The following DNAAF11 variants were observed in gnomAD, a reference collection of about 807,000 sequenced individuals.
DNAAF11 encodes dynein axonemal assembly factor 11, also known as leucine rich repeat containing 6.
DNAAF11 carries 45 observed loss-of-function variants against 60.8 expected under a neutral mutation model. The observed-to-expected ratio is 0.74, with a 90% CI of 0.58 to 0.95. The LOEUF is 0.95. DNAAF11 is among the 40% of genes least tolerant of loss of function. The probability of loss-of-function intolerance (pLI) is 0.00; values close to 1 mark genes in which losing one functional copy is unlikely to be tolerated. For missense variants in DNAAF11, 546 were observed against 546.2 expected, an observed-to-expected ratio of 1.00 and a Z score of 0.00; for synonymous variants, 191 against 183.5, an observed-to-expected ratio of 1.04 and a Z score of -0.33.
intron 1 of DNAAF11, among the ~76,000 whole-genome samples, chr8:132,673,949 G>A (rs1001167641): frequency 2.0e-5 from 3 of 152,098 alleles, no homozygotes; most frequent in African/African-American, 7.2e-5. Flanking sequence ...AAGTGGGCAC[G>A]ACTCAGAGAA....
chr8:132,686,298 A>G, the DNAAF11 span, among the ~76,000 whole-genome samples: 11 of 152,118 alleles, frequency 7.2e-5, no homozygotes, highest in African/African-American at 2.7e-4. Context: ...CAAAGAACAG[A>G]AAAAGGAGCC....
At chr8:132,694,978 A>G in the DNAAF11 span, among the ~76,000 whole-genome samples, 1 of 152,206 alleles carries the variant, frequency 6.6e-6, no homozygotes, top group Admixed American at 6.5e-5. Flanking sequence ...TTGAGAAGCC[A>G]AGTGGGAAAA....
intron 4 of DNAAF11, among the ~76,000 whole-genome samples, chr8:132,636,956 C>T (rs1821361858): frequency 6.6e-6 from 1 of 152,156 alleles, no homozygotes; most frequent in African/African-American, 2.4e-5. Context: ...GCCTATTGAA[C>T]AGGCGATGTA....
intron 3 of DNAAF11, among the ~76,000 whole-genome samples, chr8:132,648,311 C>G (rs140705465): frequency 5.0e-4 from 76 of 152,200 alleles, no homozygotes; most frequent in African/African-American, 1.8e-3. Flanking sequence ...ATTCAACAGC[C>G]CTTCATGCGA....
At chr8:132,629,671 AT>A (rs1368841651) in intron 5 of DNAAF11, among the ~76,000 whole-genome samples, 3 of 152,090 alleles carry the variant, frequency 2.0e-5, no homozygotes, top group African/African-American at 7.2e-5. Flanking sequence ...TAACGCTACT[AT>A]TCCACTCCAT....
chr8:132,630,065 C>A (rs1052405692), intron 5 of DNAAF11, among the ~76,000 whole-genome samples: 2 of 152,156 alleles, frequency 1.3e-5, no homozygotes, highest in Non-Finnish European at 2.9e-5. Flanking sequence ...GTCAACTTTC[C>A]CTCAATTAAC....
At chr8:132,581,020 C>T (rs547651589) in intron 11 of DNAAF11, among the ~76,000 whole-genome samples, 5 of 152,262 alleles carry the variant, frequency 3.3e-5, no homozygotes, top group South Asian at 2.1e-4. Flanking sequence ...TCCTGGTCTA[C>T]GACAGAGGTG....
chr8:132,640,911 T>A (rs1270238884), intron 3 of DNAAF11, among the ~76,000 whole-genome samples: 3 of 152,044 alleles, frequency 2.0e-5, no homozygotes, highest in Admixed American at 6.6e-5. Flanking sequence ...TTTTAAAACA[T>A]CAGAAGAGTC....
chr8:132,681,192 T>C, the DNAAF11 span, among the ~76,000 whole-genome samples: 1 of 151,520 alleles, frequency 6.6e-6, no homozygotes, highest in Non-Finnish European at 1.5e-5. Context: ...GTATTTTTAG[T>C]AGATATGGGG....
intron 3 of DNAAF11, among the ~76,000 whole-genome samples, chr8:132,651,040 T>C (rs1014485210): frequency 1.3e-5 from 2 of 152,242 alleles, no homozygotes; most frequent in Non-Finnish European, 2.9e-5. Context: ...ATCTCATCTC[T>C]GGAGTTCGGC....
In DNAAF11 at chr8:132,637,991, A is replaced by C. The variant is rs1821470793; in HGVS notation, c.373T>G (p.Cys125Gly). The change falls in exon 4 of 12, where the codon TGT becomes GGT. Residue 125 changes from cysteine (C) to glycine (G), a missense_variant. By Grantham distance (159) the Cys-to-Gly change is radical. Coordinates refer to ENST00000620350, the MANE Select transcript of DNAAF11 (RefSeq NM_012472.6). Reference sequence around the variant, plus strand: ...TCCCTATAGTGGTCAAAGGAAGCACATGGGTTCCCCATGAGAAAGAGCTCC... The same window carrying C: ...TCCCTATAGTGGTCAAAGGAAGCACCTGGGTTCCCCATGAGAAAGAGCTCC... ...LKELFLMGNP[C>G]ASFDHYREFV... 6.2e-7 allele frequency: 1 copy of C among 1,614,020 alleles called. No homozygotes were observed. The highest frequency in any genetic ancestry group is 1.7e-5 in the Admixed American group (1 of 60,006).
chr8:132,648,578 G>T (rs902708998), intron 3 of DNAAF11, among the ~76,000 whole-genome samples: 11 of 152,130 alleles, frequency 7.2e-5, no homozygotes, highest in South Asian at 2.1e-4. Flanking sequence ...TTGTCCCTGT[G>T]TGCAGATGAC....
the DNAAF11 span, among the ~76,000 whole-genome samples, chr8:132,683,590 G>C: frequency 1.3e-5 from 2 of 152,160 alleles, no homozygotes; most frequent in Admixed American, 1.3e-4. Context: ...AGTGCCCCTG[G>C]GGGTGAAGGC....
At position 132,646,658 on chromosome 8, in the gene DNAAF11, G is replaced by GAAAAC. The variant is rs751123055; in HGVS notation, c.257-8556_257-8552dup. On this transcript the variant is annotated intron_variant, in intron 3 of 11. Coordinates refer to ENST00000620350, the MANE Select transcript of DNAAF11 (RefSeq NM_012472.6). ...TGGAGGAAGATCTACCAAGCAAATG[G>GAAAAC]AAAACAAAACAAAACAAAAAGCAAG... Among the ~76,000 whole-genome samples, 20 of 152,020 alleles carry GAAAAC rather than the reference G, an allele frequency of 1.3e-4. 1 individual carries two copies. Among genetic ancestry groups the GAAAAC allele is most frequent in the Non-Finnish European group, 2.1e-4 (14 of 68,022 alleles).
chr8:132,655,008 G>A (rs1385848993), intron 3 of DNAAF11, among the ~76,000 whole-genome samples: 4 of 151,400 alleles, frequency 2.6e-5, no homozygotes, highest in Admixed American at 6.6e-5. Flanking sequence ...TTGACAAACC[G>A]TTAGCTGCAC....
chr8:132,583,347 G>A (rs867306863), intron 11 of DNAAF11, among the ~76,000 whole-genome samples: 2 of 152,154 alleles, frequency 1.3e-5, no homozygotes, highest in South Asian at 2.1e-4. Context: ...TGGAAACTGA[G>A]CATAAAAATT....
chr8:132,635,998 C>A (rs1383646048), intron 4 of DNAAF11, among the ~76,000 whole-genome samples: 1 of 151,884 alleles, frequency 6.6e-6, no homozygotes, highest in Non-Finnish European at 1.5e-5. Context: ...CCAGTCCCGT[C>A]AACATCTTGA....
intron 10 of DNAAF11, among the ~76,000 whole-genome samples, chr8:132,601,887 G>A (rs745596693): frequency 1.4e-4 from 21 of 152,068 alleles, no homozygotes; most frequent in African/African-American, 4.3e-4. Flanking sequence ...AAACCTTTAC[G>A]TTGTGCACAT....
At chr8:132,624,843 G>C (rs1820090510) in intron 6 of DNAAF11, among the ~76,000 whole-genome samples, 1 of 152,118 alleles carries the variant, frequency 6.6e-6, no homozygotes, top group Non-Finnish European at 1.5e-5. Context: ...AAATGTCCAA[G>C]AAAGTTGTAT....
Sources: gnomAD v4.1 joint callset for allele counts (sites outside exome capture counted in the v4.1 genomes callset) on GRCh38, gnomAD v4.1.1 for gene constraint, MANE v1.5 for transcripts, NCBI Gene and HGNC (gene_info 2026-07-23, HGNC 2026-07-21) for gene names.